VPS51: variants seen among roughly 807,000 people sequenced by gnomAD.
VPS51 encodes vacuolar protein sorting-associated protein 51 homolog.
VPS51 carries 55 observed loss-of-function variants against 65.1 expected under a neutral mutation model. The ratio of observed to expected loss-of-function variants is 0.84; its 90% CI spans 0.68 to 1.06. VPS51 has a LOEUF of 1.06. Among genes scored for constraint, VPS51 ranks in the 50% least tolerant of loss-of-function variants. The probability of loss-of-function intolerance (pLI) is 0.00; values close to 1 mark genes in which losing one functional copy is unlikely to be tolerated. For missense variants in VPS51, 943 were observed against 1,101.6 expected, an observed-to-expected ratio of 0.86 and a Z score of 2.04; for synonymous variants, 473 against 489.5, an observed-to-expected ratio of 0.97 and a Z score of 0.44.
intron 2 of VPS51, among the ~76,000 whole-genome samples, chr11:65,104,837 G>A (rs962984330): frequency 3.9e-5 from 6 of 152,180 alleles, no homozygotes; most frequent in Non-Finnish European, 5.9e-5. Context: ...CCTTCAAGCC[G>A]CCGCAACACC....
chr11:65,097,174 C>T (rs201601468), intron 2 of VPS51, 47 bp downstream of exon 2: 1 of 1,611,272 alleles, frequency 6.2e-7, no homozygotes, highest in African/African-American at 1.3e-5. Flanking sequence ...AGCCCCCATT[C>T]TCCCACCTGT....
chr11:65,111,562 T>C lies in VPS51; in HGVS notation c.2324T>C (p.Val775Ala), dbSNP rs1947902728. Reference protein sequence around the residue: ...PDPVPMEPSVVEVICERG With the variant: ...PDPVPMEPSVAEVICERG ...CCTGTGCCCATGGAGCCCAGTGTGG[T>C]TGAGGTCATCTGCGAGCGCGGCTAG... The change falls in exon 10 of 10, where the codon GTT becomes GCT. Residue 775 changes from valine to alanine, a missense_variant. Coordinates refer to ENST00000279281, the MANE Select transcript of VPS51 (RefSeq NM_013265.4). The C allele has an allele frequency of 6.2e-7, 1 of 1,610,432 alleles. No individual in the cohort carries two copies. Among genetic ancestry groups the C allele is most frequent in the Non-Finnish European group, 8.5e-7 (1 of 1,179,840 alleles).
chr11:65,105,156 T>C (rs1040003343), intron 2 of VPS51, among the ~76,000 whole-genome samples: 5 of 152,088 alleles, frequency 3.3e-5, no homozygotes, highest in African/African-American at 1.2e-4. Flanking sequence ...TCCCAGCACT[T>C]TGGGAGGCCG....
rs1461620396 is a variant in VPS51 at position 65,097,095 on chromosome 11, A to G, written c.326A>G (p.Tyr109Cys). ...GACAGCGACATGCAGACCCTGGTCT[A>G]TGAGAACTACAACAAGTTCATCTCA... Reference protein sequence around the residue: ...ALDSDMQTLVYENYNKFISAT... With the variant: ...ALDSDMQTLVCENYNKFISAT... The change falls in exon 2 of 10, where the codon TAT (tyrosine) becomes TGT (cysteine). Residue 109 changes from tyrosine to cysteine, a missense_variant. Around this residue, in one of 2 missense-constraint regions of VPS51, gnomAD observed 855 missense variants for 953.7 expected, o/e 0.90. Coordinates refer to ENST00000279281, the MANE Select transcript of VPS51 (RefSeq NM_013265.4). 2 of 1,614,020 alleles carry G rather than the reference A, an allele frequency of 1.2e-6. No individual in the cohort carries two copies. Among genetic ancestry groups the G allele is most frequent in the Non-Finnish European group, 1.7e-6 (2 of 1,179,998 alleles).
chr11:65,103,864 TTATTGTTTA>T (rs1947824922), intron 2 of VPS51, among the ~76,000 whole-genome samples: 2 of 152,172 alleles, frequency 1.3e-5, no homozygotes, highest in African/African-American at 4.8e-5. Context: ...GTGGTATCTC[TTATTGTTTA>T]TAGTAACGTT....
intron 2 of VPS51, among the ~76,000 whole-genome samples, chr11:65,100,784 G>T (rs781381501): frequency 1.3e-5 from 2 of 151,994 alleles, no homozygotes. Context: ...GACCTCAAGT[G>T]ATCCGCTTGC....
chr11:65,111,614 G>A lies in VPS51; in HGVS notation c.*27G>A, dbSNP rs1323106499. On this transcript the variant is annotated 3_prime_UTR_variant, in exon 10 of 10. Coordinates refer to ENST00000279281, the MANE Select transcript of VPS51 (RefSeq NM_013265.4). ...CGCAGCCGCTGCCATGCACCGGTCT[G>A]TCCCTGCACCCCATGGCACCCAGGA... 8.2e-6 allele frequency: 13 copies of A among 1,582,894 alleles called. No homozygotes were observed. Among genetic ancestry groups the A allele is most frequent in the Non-Finnish European group, 1.1e-5 (13 of 1,168,358 alleles).
At position 65,111,829 on chromosome 11, in the gene VPS51, G is replaced by A; in HGVS notation, c.*242G>A. ...TGGTGTGCTGGGCCCAGCATGGGCA[G>A]GGGGCGGTTCCACTTAAAAACCCTG... On this transcript the variant is annotated 3_prime_UTR_variant, in exon 10 of 10. Transcript: ENST00000279281. The A allele has an allele frequency of 1.1e-6, 1 of 927,984 alleles. No homozygotes were observed. Among genetic ancestry groups the A allele is most frequent in the Non-Finnish European group, 1.6e-6 (1 of 625,862 alleles). The allele number at this position is 927,984 out of a possible 1,614,324, so 57.5% of individuals were successfully genotyped here. A position where few individuals can be genotyped will look rare whatever the true frequency, so the allele number is the denominator to read the frequency against.
At position 65,107,970 on chromosome 11, in the gene VPS51, G is replaced by A. The variant is rs1169637831; in HGVS notation, c.673G>A (p.Asp225Asn). The A allele has an allele frequency of 6.4e-7, 1 of 1,565,612 alleles. No homozygotes were observed. The highest frequency in any genetic ancestry group is 1.2e-5 in the South Asian group (1 of 86,212). The change falls in exon 4 of 10, where the codon GAC becomes AAC. Residue 225 changes from aspartate to asparagine, a missense_variant. Physicochemically the swap from Asp to Asn is conservative, Grantham distance 23. Coordinates refer to ENST00000279281, the MANE Select transcript of VPS51 (RefSeq NM_013265.4). This position sits in a 1 kb window ranked among gnomAD's most constrained non-coding sequence, Gnocchi z 4.0. Reference protein sequence around the residue: ...HLPSFRAIQDDCQVITARLAQ... With the variant: ...HLPSFRAIQDNCQVITARLAQ... ...GCCCTCGTTCCGCGCCATCCAGGAC[G>A]ACTGCCAGGTCATCACGGCCCGCCT...
chr11:65,096,726 TG>T, intron 1 of VPS51: 1 of 639,370 alleles, frequency 1.6e-6, no homozygotes, highest in Non-Finnish European at 2.7e-6. Flanking sequence ...GGCCCGGAAT[TG>T]GGGGCGTGGC....
Position 65,096,223 on chromosome 11 carries a change from C to G in VPS51, c.-28C>G. On this transcript the variant is annotated 5_prime_UTR_variant, in exon 1 of 10. Transcript: ENST00000279281. Reference sequence around the variant, plus strand: ...CCTCCCCGTCCCCTTCCTTTCCAGCCTCACGCCCGTGGGCTGCAGTTGGAA... The same window carrying G: ...CCTCCCCGTCCCCTTCCTTTCCAGCGTCACGCCCGTGGGCTGCAGTTGGAA... The G allele has an allele frequency of 6.6e-7, 1 of 1,523,248 alleles. No individual in the cohort carries two copies. The highest frequency in any genetic ancestry group is 8.8e-7 in the Non-Finnish European group (1 of 1,135,430). 94.4% of individuals were successfully genotyped at this position (1,523,248 alleles called of 1,614,324 possible). A position where few individuals can be genotyped will look rare whatever the true frequency, so the allele number is the denominator to read the frequency against.
chr11:65,109,988 C>A, intron 7 of VPS51, 65 bp downstream of exon 7: 3 of 1,478,420 alleles, frequency 2.0e-6, no homozygotes, highest in Non-Finnish European at 2.7e-6. Flanking sequence ...TCAAGAGGGG[C>A]TGGGGCAGCA....
At position 65,108,005 on chromosome 11, in the gene VPS51, G is replaced by T; in HGVS notation, c.708G>T (p.Gln236His). ...CQVITARLAQ[Q>H]LRQRFREGGS... The stretch of plus-strand genomic sequence containing the variant: ...TCATCACGGCCCGCCTGGCCCAGCA[G>T]CTGCGGCAGCGCTTTAGGTGTGGCC... The change falls in exon 4 of 10, where the codon CAG becomes CAT. Residue 236 changes from glutamine to histidine, a missense_variant. By Grantham distance (24) the Gln-to-His change is conservative. Transcript: ENST00000279281. 1 of 1,534,780 alleles carries T rather than the reference G, an allele frequency of 6.5e-7. No individual in the cohort carries two copies.
intron 2 of VPS51, among the ~76,000 whole-genome samples, chr11:65,103,325 T>C (rs1391175434): frequency 1.3e-5 from 2 of 152,230 alleles, no homozygotes; most frequent in African/African-American, 2.4e-5. Flanking sequence ...GTAATATAGA[T>C]GTTTCACATC....
At chr11:65,104,429 A>C (rs1261402656) in intron 2 of VPS51, among the ~76,000 whole-genome samples, 2 of 152,176 alleles carry the variant, frequency 1.3e-5, no homozygotes, top group African/African-American at 4.8e-5. Context: ...TAAACATGAT[A>C]CTGAGTTTTG....
chr11:65,109,610 A>T, intron 6 of VPS51, 95 bp from the exon 7 acceptor site: 1 of 1,513,796 alleles, frequency 6.6e-7, no homozygotes, highest in African/African-American at 1.4e-5. Context: ...CCCAGCCTCC[A>T]CCTTGCCCAA....
At chr11:65,098,288 T>TGAC (rs1828082900) in intron 2 of VPS51, among the ~76,000 whole-genome samples, 3 of 152,330 alleles carry the variant, frequency 2.0e-5, no homozygotes, top group Non-Finnish European at 4.4e-5. Flanking sequence ...GAAGAATAGG[T>TGAC]GGTCTTGTCC....
In VPS51 at chr11:65,107,834, C is replaced by G. The variant is rs1947853534; in HGVS notation, c.537C>G (p.Phe179Leu). 1 of 1,556,884 alleles carries G rather than the reference C, an allele frequency of 6.4e-7. No homozygotes were observed. Among genetic ancestry groups the G allele is most frequent in the African/African-American group, 1.4e-5 (1 of 73,416 alleles). ...ACGCGCTGCTGCGGAAGCTGCAGTTCCTCTTTGAGCTGCCCTCGCGCCTCA... is the reference window on the plus strand; with the variant it reads ...ACGCGCTGCTGCGGAAGCTGCAGTTGCTCTTTGAGCTGCCCTCGCGCCTCA... ...GVHALLRKLQ[F>L]LFELPSRLTK... The change falls in exon 4 of 10, where the codon TTC becomes TTG. Residue 179 changes from phenylalanine to leucine, a missense_variant. By Grantham distance (22) the Phe-to-Leu change is conservative. This residue lies in a region of VPS51 where 855 missense variants were observed against 953.7 expected (regional missense o/e 0.90). Coordinates refer to ENST00000279281, the MANE Select transcript of VPS51 (RefSeq NM_013265.4). The surrounding 1 kb of genome is among the most constrained non-coding windows in gnomAD (Gnocchi z 4.0).
Position 65,111,567 on chromosome 11 carries a change from G to A in VPS51, c.2329G>A (p.Val777Ile). ...GCCCATGGAGCCCAGTGTGGTTGAG[G>A]TCATCTGCGAGCGCGGCTAGGCGCA... ...PVPMEPSVVEVICERG is the reference protein window; with the variant it reads ...PVPMEPSVVEIICERG Residue 777 changes from valine (V) to isoleucine (I), a missense_variant, in exon 10 of 10, where the codon GTC becomes ATC. Physicochemically the swap from Val to Ile is conservative, Grantham distance 29. Coordinates refer to ENST00000279281, the MANE Select transcript of VPS51 (RefSeq NM_013265.4). 6.2e-7 allele frequency: 1 copy of A among 1,609,378 alleles called. No individual in the cohort carries two copies. Among genetic ancestry groups the A allele is most frequent in the East Asian group, 2.2e-5 (1 of 44,874 alleles).
Sources: allele counts gnomAD v4.1 joint callset (sites outside exome capture counted in the v4.1 genomes callset), GRCh38; gene constraint gnomAD v4.1.1; regional missense constraint gnomAD v4.1.1; non-coding constraint Gnocchi (gnomAD v3.1); transcripts MANE v1.5; gene names NCBI Gene and HGNC (gene_info 2026-07-23, HGNC 2026-07-21).